Variants in COL6A6 observed in about 807,000 individuals in gnomAD.
COL6A6 encodes the protein collagen type VI alpha 6 chain, also known as collagen alpha-6(VI) chain.
COL6A6 carries 183 observed loss-of-function variants against 208.6 expected under a neutral mutation model. That is an observed-to-expected ratio of 0.88 (90% CI 0.78 to 0.99). The LOEUF is 0.99. Among genes scored for constraint, COL6A6 ranks in the 50% least tolerant of loss-of-function variants. The pLI, the probability that COL6A6 is intolerant of heterozygous loss-of-function variation, is 0.00. For synonymous variants in COL6A6, 973 were observed against 1,011.8 expected (o/e 0.96, Z 0.73); for missense variants, 2,816 against 2,815.2 (o/e 1.00, Z -0.01).
At chr3:130,643,797 GA>G (rs1421733880) in intron 31 of COL6A6, among the ~76,000 whole-genome samples, 1 of 152,152 alleles carries the variant, frequency 6.6e-6, no homozygotes, top group African/African-American at 2.4e-5. Flanking sequence ...TTTGGGGGAA[GA>G]AAAATAAATT....
At chr3:130,534,160 TC>T (rs1470970672) in intron 1 of COL6A6, among the ~76,000 whole-genome samples, 1 of 152,160 alleles carries the variant, frequency 6.6e-6, no homozygotes. Flanking sequence ...AGTTCTAACT[TC>T]CCTACATCCT....
intron 2 of COL6A6, among the ~76,000 whole-genome samples, chr3:130,562,239 A>G (rs1271256076): frequency 6.6e-6 from 1 of 152,222 alleles, no homozygotes; most frequent in Non-Finnish European, 1.5e-5. Context: ...GTAGTACCAG[A>G]TAAGTAGTGT....
At chr3:130,629,027 A>G (rs2064979380) in intron 26 of COL6A6, among the ~76,000 whole-genome samples, 1 of 66,530 alleles carries the variant, frequency 1.5e-5, no homozygotes, top group Non-Finnish European at 2.4e-5. Flanking sequence ...CTCACCAGCA[A>G]CAGAACAAAG....
At chr3:130,621,995 C>A in intron 24 of COL6A6, 112 bp downstream of exon 24, 1 of 876,468 alleles carries the variant, frequency 1.1e-6, no homozygotes, top group Non-Finnish European at 1.8e-6. Context: ...ATTTTCTGGT[C>A]CTTAAACCCT....
At chr3:130,666,397 T>C (rs1189514219) in intron 36 of COL6A6, among the ~76,000 whole-genome samples, 1 of 152,228 alleles carries the variant, frequency 6.6e-6, no homozygotes, top group African/African-American at 2.4e-5. Flanking sequence ...GTAACATGTA[T>C]GATGGCTGCA....
chr3:130,589,009 C>A, intron 11 of COL6A6, 81 bp from the exon 12 acceptor site: 1 of 981,554 alleles, frequency 1.0e-6, no homozygotes. Flanking sequence ...TGGTAGAAGT[C>A]TGGATCGCAT....
At position 130,665,028 on chromosome 3, in the gene COL6A6, A is replaced by G; in HGVS notation, c.6528A>G (p.Ile2176Met). Residue 2176 changes from isoleucine to methionine, a missense_variant, in exon 36 of 37, where the codon ATA (isoleucine) becomes ATG (methionine). Coordinates refer to ENST00000358511, the MANE Select transcript of COL6A6 (RefSeq NM_001102608.3). ...GTGCAATCAACAAATATCCACCAAT[A>G]AACTTAAAAATAAAGTGCAACAGAC... The part of the protein sequence containing the change: ...IRRAINKYPP[I>M]NLKIKCNRLN... 1 of 1,607,188 alleles carries G rather than the reference A, an allele frequency of 6.2e-7. No individual in the cohort carries two copies. Among genetic ancestry groups the G allele is most frequent in the South Asian group, 1.1e-5 (1 of 89,350 alleles).
In COL6A6 at chr3:130,568,439, C is replaced by T. The variant is rs760929088; in HGVS notation, c.2236C>T (p.Arg746Trp). The change falls in exon 6 of 37, where the codon CGG (arginine) becomes TGG (tryptophan). Residue 746 changes from arginine (R) to tryptophan (W), a missense_variant. Arg to Trp is a moderately radical substitution (Grantham distance 101). Transcript: ENST00000358511. ...AGTAAAGGAACCAGCAGTAGTGCTT[C>T]GGCAAGAAGGTGTAATCATCTATTC... ...DIVKEPAVVL[R>W]QEGVIIYSVG... 1.5e-5 allele frequency: 24 copies of T among 1,613,830 alleles called. No individual in the cohort carries two copies. Among genetic ancestry groups the T allele is most frequent in the South Asian group, 1.3e-4 (12 of 91,088 alleles).
intron 23 of COL6A6, among the ~76,000 whole-genome samples, chr3:130,619,602 G>C (rs774468143): frequency 2.0e-5 from 3 of 152,184 alleles, no homozygotes; most frequent in Non-Finnish European, 4.4e-5. Context: ...TCTCTAAAAA[G>C]GGTGGAGAAT....
At chr3:130,531,006 C>T (rs2062068476) in intron 1 of COL6A6, among the ~76,000 whole-genome samples, 1 of 149,174 alleles carries the variant, frequency 6.7e-6, no homozygotes, top group South Asian at 2.1e-4. Context: ...CCTCTCCACC[C>T]CCCTCCTCTA....
At chr3:130,569,539 T>C (rs868496994) in intron 6 of COL6A6, among the ~76,000 whole-genome samples, 9 of 152,302 alleles carry the variant, frequency 5.9e-5, no homozygotes, top group South Asian at 2.1e-4. Flanking sequence ...GAGAGGAACA[T>C]TGTTTGCTTA....
chr3:130,596,299 A>T (rs2063849488), intron 18 of COL6A6, among the ~76,000 whole-genome samples: 1 of 152,218 alleles, frequency 6.6e-6, no homozygotes, highest in South Asian at 2.1e-4. Context: ...TCAGTTATCC[A>T]TATATGATGA....
intron 1 of COL6A6, among the ~76,000 whole-genome samples, chr3:130,525,710 C>T (rs1169228650): frequency 6.6e-6 from 1 of 152,162 alleles, no homozygotes; most frequent in Non-Finnish European, 1.5e-5. Context: ...TCATTCAGTG[C>T]CATGCTCCCC....
chr3:130,634,695 G>T, intron 27 of COL6A6, 70 bp downstream of exon 27: 1 of 1,132,226 alleles, frequency 8.8e-7, no homozygotes, highest in Non-Finnish European at 1.3e-6. Flanking sequence ...TGTATCCTAG[G>T]CCAGTAGAAG....
intron 1 of COL6A6, among the ~76,000 whole-genome samples, chr3:130,558,754 T>C (rs1246205307): frequency 6.6e-6 from 1 of 152,170 alleles, no homozygotes; most frequent in African/African-American, 2.4e-5. Context: ...AAGAAAATAG[T>C]GTAAAACCCT....
chr3:130,653,018 A>G (rs575929890), intron 33 of COL6A6, among the ~76,000 whole-genome samples: 2 of 152,206 alleles, frequency 1.3e-5, no homozygotes, highest in Non-Finnish European at 2.9e-5. Flanking sequence ...GTTTTTCATG[A>G]TAGTATGAAG....
rs762599067 is a variant in COL6A6, at chr3:130,586,530, C to T, written c.3995C>T (p.Ala1332Val). ...GGCCTGAATGCCCTCATAACTGTTG[C>T]TCTGGATGGACCTGCTGATTCAAGT... Reference protein sequence around the residue: ...KEGLNALITVALDGPADSSDL... With the variant: ...KEGLNALITVVLDGPADSSDL... The change falls in exon 11 of 37, where the codon GCT becomes GTT. Residue 1332 changes from alanine (A) to valine (V), a missense_variant. Coordinates refer to ENST00000358511, the MANE Select transcript of COL6A6 (RefSeq NM_001102608.3). 1.9e-6 allele frequency: 3 copies of T among 1,613,416 alleles called. No individual in the cohort carries two copies. The highest frequency in any genetic ancestry group is 1.3e-5 in the African/African-American group (1 of 74,894).
Position 130,590,978 on chromosome 3 carries a change from G to A in COL6A6, c.4219-63G>A, listed in dbSNP as rs1263013256. 2.4e-6 allele frequency: 3 copies of A among 1,267,884 alleles called. No individual in the cohort carries two copies. In the South Asian group the frequency reaches 3.9e-5, roughly 16 times the overall value. 78.5% of individuals were successfully genotyped at this position (1,267,884 alleles called of 1,614,324 possible). A position where few individuals can be genotyped will look rare whatever the true frequency, so the allele number is the denominator to read the frequency against. ...AAGTAAAACTGTAAAACTGAATTTG[G>A]TTTGGTTACCTCTGATTTTTGGTCC... On this transcript the variant is annotated intron_variant, in intron 12 of 36. Coordinates refer to ENST00000358511, the MANE Select transcript of COL6A6 (RefSeq NM_001102608.3).
chr3:130,621,757 A>G (rs2064723416), intron 23 of COL6A6, 64 bp from the exon 24 acceptor site: 1 of 1,389,078 alleles, frequency 7.2e-7, no homozygotes, highest in African/African-American at 1.4e-5. Context: ...CTTATAAGAC[A>G]GAGGGTTTGA....
Sources: gnomAD v4.1 joint callset for allele counts (sites outside exome capture counted in the v4.1 genomes callset) on GRCh38, gnomAD v4.1.1 for gene constraint, MANE v1.5 for transcripts, NCBI Gene and HGNC (gene_info 2026-07-23, HGNC 2026-07-21) for gene names.